GBF1: variants seen among roughly 807,000 people sequenced by gnomAD.
GBF1 encodes golgi brefeldin A resistant guanine nucleotide exchange factor 1.
In GBF1, 114 loss-of-function variants were observed where a neutral mutation model predicts 210.5. The observed-to-expected ratio is 0.54, with a 90% confidence interval of 0.47 to 0.63. GBF1 has a LOEUF of 0.63. Among genes scored for constraint, GBF1 ranks in the 30% least tolerant of loss-of-function variants. The pLI is 0.00. For missense variants in GBF1, 1,851 were observed against 2,357.7 expected, an observed-to-expected ratio of 0.79 and a Z score of 4.45; for synonymous variants, 850 against 889.2, an observed-to-expected ratio of 0.96 and a Z score of 0.78.
chr10:102,327,274 A>C (rs1410229650), intron 3 of GBF1, among the ~76,000 whole-genome samples: 1 of 152,134 alleles, frequency 6.6e-6, no homozygotes, highest in African/African-American at 2.4e-5. Flanking sequence ...CCTCAACTTA[A>C]AGAACCTAGG....
rs2059937269 is a variant in GBF1, at chr10:102,366,810, T to G, written c.2434-275T>G. 6.6e-6 allele frequency among the ~76,000 whole-genome samples: 1 copy of G among 152,112 alleles called. No individual in the cohort carries two copies. On this transcript the variant is annotated intron_variant, in intron 19 of 39. Transcript: ENST00000369983. The surrounding 1 kb of genome is among the most constrained non-coding windows in gnomAD (Gnocchi z 4.0). The stretch of plus-strand genomic sequence containing the variant: ...CATGTTGGTCAGGCTGGTCTCGAAC[T>G]CCTGATCTCGGGTGATCCGCCCACC...
intron 3 of GBF1, among the ~76,000 whole-genome samples, chr10:102,279,039 G>C (rs1362384295): frequency 6.6e-6 from 1 of 152,092 alleles, no homozygotes; most frequent in Non-Finnish European, 1.5e-5. Flanking sequence ...CCAATTTCTG[G>C]TTGCAGTTAT....
In GBF1 at chr10:102,358,574, G is replaced by T. The variant is rs781705779; in HGVS notation, c.856G>T (p.Val286Phe). The T allele has an allele frequency of 3.1e-6, 5 of 1,614,010 alleles. No homozygotes were observed. The Admixed American group carries it at 8.3e-5, about 27-fold the overall frequency. ...SASSEAASAV[V>F]SPSTDSGLEF... ...AAGTTCAGAAGCTGCCTCAGCAGTGGTCAGTCCCTCTACAGACAGTGGCCT... is the reference window on the plus strand; with the variant it reads ...AAGTTCAGAAGCTGCCTCAGCAGTGTTCAGTCCCTCTACAGACAGTGGCCT... The change falls in exon 10 of 40, where the codon GTC becomes TTC. Residue 286 changes from valine to phenylalanine, a missense_variant. By Grantham distance (50) the Val-to-Phe change is conservative. Around this residue, in one of 3 missense-constraint regions of GBF1, gnomAD observed 804 missense variants for 958.6 expected, o/e 0.84. Transcript: ENST00000369983.
intron 3 of GBF1, among the ~76,000 whole-genome samples, chr10:102,327,659 A>G (rs2057008831): frequency 6.6e-6 from 1 of 152,186 alleles, no homozygotes; most frequent in Non-Finnish European, 1.5e-5. Flanking sequence ...GTAATGGAAT[A>G]CCCATTATTT....
intron 3 of GBF1, among the ~76,000 whole-genome samples, chr10:102,339,916 C>T (rs1022257782): frequency 1.3e-5 from 2 of 150,196 alleles, no homozygotes; most frequent in South Asian, 4.2e-4. Context: ...CCTCCTGAGT[C>T]GCTGGGACTA....
At chr10:102,281,412 A>G (rs1406160098) in intron 3 of GBF1, among the ~76,000 whole-genome samples, 1 of 152,142 alleles carries the variant, frequency 6.6e-6, no homozygotes, top group Non-Finnish European at 1.5e-5. Context: ...ATCTGCATAA[A>G]ATACTAAATC....
intron 3 of GBF1, among the ~76,000 whole-genome samples, chr10:102,305,944 A>T (rs553058829): frequency 6.6e-6 from 1 of 152,316 alleles, no homozygotes; most frequent in African/African-American, 2.4e-5. Flanking sequence ...AAATAGGATG[A>T]TAGGTTTGGG....
chr10:102,339,537 C>T (rs966396228), intron 3 of GBF1, among the ~76,000 whole-genome samples: 1 of 145,756 alleles, frequency 6.9e-6, no homozygotes, highest in African/African-American at 2.6e-5. Context: ...CGTGGTGGCA[C>T]GTTCCTGTAG....
Position 102,245,567 on chromosome 10 carries a change from C to T in GBF1, c.-225C>T, listed in dbSNP as rs1257244942. ...TCAGTGAGCTGACAGGGAAGGTACC[C>T]GGCTCTACTGCCCGTCCCGGACGAC... On this transcript the variant is annotated 5_prime_UTR_variant, in exon 1 of 40. Transcript: ENST00000369983. 2.0e-5 allele frequency: 3 copies of T among 152,246 alleles called. No individual in the cohort carries two copies. The highest frequency in any genetic ancestry group is 7.2e-5 in the African/African-American group (3 of 41,462). The allele number at this position is 152,246 out of a possible 1,614,324, so 9.4% of individuals were successfully genotyped here.
Position 102,363,493 on chromosome 10 carries a change from G to A in GBF1, c.2017+97G>A. 1 of 1,182,370 alleles carries A rather than the reference G, an allele frequency of 8.5e-7. No homozygotes were observed. Among genetic ancestry groups the A allele is most frequent in the East Asian group, 2.4e-5 (1 of 42,506 alleles). 73.2% of individuals were successfully genotyped at this position (1,182,370 alleles called of 1,614,324 possible). A position where few individuals can be genotyped will look rare whatever the true frequency, so the allele number is the denominator to read the frequency against. On this transcript the variant is annotated intron_variant, in intron 16 of 39. Coordinates refer to ENST00000369983, the MANE Select transcript of GBF1 (RefSeq NM_001377137.1). This position sits in a 1 kb window ranked among gnomAD's most constrained non-coding sequence, Gnocchi z 4.2. ...GACACCTAGGATAGTAACTAAGCAA[G>A]CCTTGGTAGCCCGCCTCGCCTTCAG...
In GBF1 at chr10:102,318,680, C is replaced by G. The variant is rs562429080; in HGVS notation, c.164-25371C>G. Among the ~76,000 whole-genome samples the G allele has an allele frequency of 1.3e-3, 201 of 152,202 alleles. 1 individual carries two copies. The highest frequency in any genetic ancestry group is 2.1e-3 in the Non-Finnish European group (140 of 68,012). On this transcript the variant is annotated intron_variant, in intron 3 of 39. Transcript: ENST00000369983. ...TGTGCTGCAAAGTCCAACTTCCCCC[C>G]CTTCAAGGTCCCCTCCCTAAACTCT... is the stretch of plus-strand genomic sequence containing the variant.
Position 102,379,906 on chromosome 10 carries a change from G to A in GBF1, c.4830G>A (p.Val1610=), listed in dbSNP as rs2060733147. 1 of 1,613,794 alleles carries A rather than the reference G, an allele frequency of 6.2e-7. No homozygotes were observed. Among genetic ancestry groups the A allele is most frequent in the African/African-American group, 1.3e-5 (1 of 75,014 alleles). ...TGGAGAACATCAGCCCTGCAGATGTGGGTGGGATGGAGGAGACCCGGATGA... is the reference window on the plus strand; with the variant it reads ...TGGAGAACATCAGCCCTGCAGATGTAGGTGGGATGGAGGAGACCCGGATGA... The part of the protein sequence containing the change: ...KLLENISPAD[V]GGMEETRMRA... The change falls in exon 36 of 40, where the codon GTG becomes GTA. Residue 1610 remains valine (V), a synonymous_variant. Transcript: ENST00000369983.
At chr10:102,309,236 G>C (rs1285001201) in intron 3 of GBF1, among the ~76,000 whole-genome samples, 1 of 152,218 alleles carries the variant, frequency 6.6e-6, no homozygotes, top group Non-Finnish European at 1.5e-5. Context: ...ATCAGCCTTA[G>C]AGCAGGAATC....
rs771910587 is a variant in GBF1 at position 102,376,991 on chromosome 10, C to T, written c.4345C>T (p.Arg1449Cys). ...KSHKYDSKGN[R>C]FKKKSKEGSM... is the part of the protein sequence containing the mutation. Reference sequence around the variant, plus strand: ...TCACAAATATGACAGCAAAGGGAACCGCTTCAAGAAGAAATCCAAAGAGGG... The same window carrying T: ...TCACAAATATGACAGCAAAGGGAACTGCTTCAAGAAGAAATCCAAAGAGGG... Residue 1449 changes from arginine to cysteine, a missense_variant, in exon 33 of 40, where the codon CGC (arginine) becomes TGC (cysteine). By Grantham distance (180) the Arg-to-Cys change is radical. Around this residue, in one of 3 missense-constraint regions of GBF1, gnomAD observed 967 missense variants for 1,247.7 expected, o/e 0.78. Coordinates refer to ENST00000369983, the MANE Select transcript of GBF1 (RefSeq NM_001377137.1). 5 of 1,614,158 alleles carry T rather than the reference C, an allele frequency of 3.1e-6. No homozygotes were observed. Among genetic ancestry groups the T allele is most frequent in the East Asian group, 2.2e-5 (1 of 44,882 alleles).
intron 2 of GBF1, 109 bp downstream of exon 2, chr10:102,259,143 T>G: frequency 1.5e-6 from 1 of 681,426 alleles, no homozygotes. Context: ...TAGTAGGAAT[T>G]CAGAGTTGTT....
At chr10:102,258,632 G>C (rs1337023148) in intron 1 of GBF1, among the ~76,000 whole-genome samples, 6 of 151,300 alleles carry the variant, frequency 4.0e-5, no homozygotes, top group African/African-American at 1.5e-4. Flanking sequence ...AAATTAGCCA[G>C]ATATGGTGGC....
At chr10:102,304,602 A>G (rs1225984402) in intron 3 of GBF1, among the ~76,000 whole-genome samples, 1 of 151,516 alleles carries the variant, frequency 6.6e-6, no homozygotes, top group Non-Finnish European at 1.5e-5. Flanking sequence ...GTGAAACCCC[A>G]TCTCTACTAA....
chr10:102,282,688 T>C (rs1052489342), intron 3 of GBF1, among the ~76,000 whole-genome samples: 3 of 152,236 alleles, frequency 2.0e-5, no homozygotes, highest in Admixed American at 6.5e-5. Flanking sequence ...GTCCCTGTTG[T>C]TGGATACCAG....
rs1214342206 is a variant in GBF1, at chr10:102,382,512, C to T, written c.*176C>T. 5.6e-5 allele frequency: 32 copies of T among 574,202 alleles called. No individual in the cohort carries two copies. Among genetic ancestry groups the T allele is most frequent in the South Asian group, 4.8e-4 (20 of 41,934 alleles). The allele number at this position is 574,202 out of a possible 1,614,324, so 35.6% of individuals were successfully genotyped here. On this transcript the variant is annotated 3_prime_UTR_variant, in exon 40 of 40. Transcript: ENST00000369983. ...AGCCCCAGCTAAGACCCCCAATCAG[C>T]TGTGGGACCTTTTTCCTCCTCTGCG...
Sources: allele counts gnomAD v4.1 joint callset (sites outside exome capture counted in the v4.1 genomes callset), GRCh38; gene constraint gnomAD v4.1.1; regional missense constraint gnomAD v4.1.1; non-coding constraint Gnocchi (gnomAD v3.1); transcripts MANE v1.5; gene names NCBI Gene and HGNC (gene_info 2026-07-23, HGNC 2026-07-21).